The following EVI5L variants were observed in gnomAD, a reference collection of about 807,000 sequenced individuals.
EVI5L encodes ecotropic viral integration site 5 like.
EVI5L carries 30 observed loss-of-function variants against 106.1 expected under a neutral mutation model. The observed-to-expected ratio is 0.28, with a 90% confidence interval of 0.21 to 0.38. EVI5L has a LOEUF of 0.38. Ranked by LOEUF, EVI5L falls within the 10% of genes least tolerant of loss-of-function variation. EVI5L has a pLI of 1.00. For missense variants in EVI5L, 809 were observed against 1,098.0 expected, an observed-to-expected ratio of 0.74 and a Z score of 3.72; for synonymous variants, 489 against 483.3, an observed-to-expected ratio of 1.01 and a Z score of -0.15.
rs577303721 is a variant in EVI5L, at chr19:7,837,101, C to A, written c.-48+6720C>A. On this transcript the variant is annotated intron_variant, in intron 1 of 19. Transcript: ENST00000538904. ...ATCCCAGCACTTTGGGAGGCTGAGG[C>A]GGGCGGATCACCTGAGGTCAGGAGT... is the stretch of plus-strand genomic sequence containing the variant. Among the ~76,000 whole-genome samples the A allele has an allele frequency of 2.4e-3, 369 of 151,256 alleles. 3 individuals are homozygous for A. The highest frequency in any genetic ancestry group is 8.6e-3 in the African/African-American group (356 of 41,286).
In EVI5L at chr19:7,835,634, A is replaced by G. The variant is rs1165039915; in HGVS notation, c.-48+5253A>G. ...CAACCTACATTCCAAGGCCAGGGATATGGAAACTTCCAGAACCATGTGGAG... is the reference window on the plus strand; with the variant it reads ...CAACCTACATTCCAAGGCCAGGGATGTGGAAACTTCCAGAACCATGTGGAG... On this transcript the variant is annotated intron_variant, in intron 1 of 19. Coordinates refer to ENST00000538904, the MANE Select transcript of EVI5L (RefSeq NM_001159944.3). The surrounding 1 kb of genome is among the most constrained non-coding windows in gnomAD (Gnocchi z 4.1). Among the ~76,000 whole-genome samples, 1 of 152,204 alleles carries G rather than the reference A, an allele frequency of 6.6e-6. No individual in the cohort carries two copies. The highest frequency in any genetic ancestry group is 2.4e-5 in the African/African-American group (1 of 41,462).
In EVI5L at chr19:7,841,062, C is replaced by G. The variant is rs10420423; in HGVS notation, c.-47-5434C>G. ...TATTGTTTACTGCAAGCATTTATCT[C>G]AATCTGTGAAGGAGGGTCTGGGTGA... On this transcript the variant is annotated intron_variant, in intron 1 of 19. Transcript: ENST00000538904. Among the ~76,000 whole-genome samples, 675 of 152,260 alleles carry G rather than the reference C, an allele frequency of 4.4e-3. 6 individuals are homozygous for G. Among genetic ancestry groups the G allele is most frequent in the African/African-American group, 0.016 (644 of 41,548 alleles).
rs1599577162 is a variant in EVI5L at position 7,857,777 on chromosome 19, T to G, written c.1234-414T>G. 5.5e-6 allele frequency: 1 copy of G among 181,464 alleles called. No homozygotes were observed. Among genetic ancestry groups the G allele is most frequent in the Non-Finnish European group, 1.1e-5 (1 of 88,144 alleles). The allele number at this position is 181,464 out of a possible 1,614,324, so 11.2% of individuals were successfully genotyped here. A position where few individuals can be genotyped will look rare whatever the true frequency, so the allele number is the denominator to read the frequency against. On this transcript the variant is annotated intron_variant, in intron 12 of 19. Coordinates refer to ENST00000538904, the MANE Select transcript of EVI5L (RefSeq NM_001159944.3). The surrounding 1 kb of genome is among the most constrained non-coding windows in gnomAD (Gnocchi z 4.5). ...CTAGAGAAGATGCCGCTGGGAGAGG[T>G]GAATGCCCTGGGGAGCCCAGCCCTC...
chr19:7,860,447 G>A, intron 13 of EVI5L, 114 bp from the exon 14 acceptor site: 1 of 902,420 alleles, frequency 1.1e-6, no homozygotes, highest in East Asian at 2.8e-5. Context: ...CCCAAGCCTG[G>A]GCCCCTCTCC....
At chr19:7,854,893 C>G (rs190728311) in intron 10 of EVI5L, among the ~76,000 whole-genome samples, 109 of 152,304 alleles carry the variant, frequency 7.2e-4, no homozygotes, top group African/African-American at 2.6e-3. Context: ...TGGGAATGTT[C>G]TAGGTGTTTC....
chr19:7,855,808 C>G (rs796449282), intron 10 of EVI5L, among the ~76,000 whole-genome samples: 1 of 152,140 alleles, frequency 6.6e-6, no homozygotes, highest in Admixed American at 6.5e-5. Flanking sequence ...TGTTTTAAAA[C>G]TTTATTTTTT....
intron 1 of EVI5L, among the ~76,000 whole-genome samples, chr19:7,842,500 G>C (rs28971071): frequency 2.7e-5 from 2 of 75,142 alleles, no homozygotes; most frequent in Non-Finnish European, 6.2e-5. Flanking sequence ...ATGTGTGAAA[G>C]TGTGTGTATC....
At chr19:7,854,562 G>A (rs1172241549) in intron 10 of EVI5L, among the ~76,000 whole-genome samples, 2 of 152,172 alleles carry the variant, frequency 1.3e-5, no homozygotes, top group Admixed American at 6.5e-5. Flanking sequence ...TTGAGGCCAG[G>A]AGTTGGAGAC....
chr19:7,849,385 C>A, intron 5 of EVI5L, 55 bp downstream of exon 5: 1 of 1,589,286 alleles, frequency 6.3e-7, no homozygotes, highest in Admixed American at 1.7e-5. Context: ...ACCCTGGGCT[C>A]GGCCCCCAAG....
In EVI5L at chr19:7,851,666, T is replaced by C; in HGVS notation, c.898-15T>C. ...CCCTGCCCTCCACCTCCCACTGCCT[T>C]TGCCGCCTTTGCAGGGGCTGGAGAT... On this transcript the variant is annotated splice_polypyrimidine_tract_variant and intron_variant, in intron 7 of 19. Transcript: ENST00000538904. 1 of 1,585,068 alleles carries C rather than the reference T, an allele frequency of 6.3e-7. No homozygotes were observed. Among genetic ancestry groups the C allele is most frequent in the Non-Finnish European group, 8.6e-7 (1 of 1,168,098 alleles).
chr19:7,843,428 TC>T, intron 1 of EVI5L, among the ~76,000 whole-genome samples: 1 of 53,400 alleles, frequency 1.9e-5, no homozygotes, highest in East Asian at 4.3e-4. Flanking sequence ...CATGGGTGTG[TC>T]GAGAGTGTGT....
chr19:7,857,131 T>C lies in EVI5L; in HGVS notation c.1233+7T>C, dbSNP rs1367282994. ...GGCTGATAGGTTAATCCAGGTACTG[T>C]AGCTTTTTATCCCCTCTCCGGATTC... On this transcript the variant is annotated splice_region_variant and intron_variant, in intron 12 of 19. Transcript: ENST00000538904. The surrounding 1 kb of genome is among the most constrained non-coding windows in gnomAD (Gnocchi z 4.5). 1.1e-5 allele frequency: 17 copies of C among 1,551,576 alleles called. No homozygotes were observed. Among genetic ancestry groups the C allele is most frequent in the Non-Finnish European group, 6.1e-6 (7 of 1,146,984 alleles).
chr19:7,849,942 G>C, intron 5 of EVI5L, 55 bp from the exon 6 acceptor site: 4 of 1,474,914 alleles, frequency 2.7e-6, no homozygotes, highest in Non-Finnish European at 3.7e-6. Context: ...TGAGCAGCGA[G>C]ATGCCCCTCC....
chr19:7,851,641 C>T (rs1377494594), intron 7 of EVI5L, 40 bp from the exon 8 acceptor site: 1 of 1,591,988 alleles, frequency 6.3e-7, no homozygotes, highest in Non-Finnish European at 8.5e-7. Flanking sequence ...ACAGGAGCCT[C>T]CCTGCCCTCC....
intron 1 of EVI5L, among the ~76,000 whole-genome samples, chr19:7,842,417 G>A (rs961724822): frequency 3.5e-5 from 4 of 115,496 alleles, no homozygotes; most frequent in African/African-American, 1.2e-4. Context: ...TGTGTATCAA[G>A]TGTGTGCATG....
intron 1 of EVI5L, among the ~76,000 whole-genome samples, chr19:7,844,878 C>T (rs925996891): frequency 1.3e-5 from 2 of 152,140 alleles, no homozygotes; most frequent in East Asian, 1.9e-4. Flanking sequence ...AAAAGAATGG[C>T]GCACCTCCCC....
chr19:7,838,525 G>A (rs781131095), intron 1 of EVI5L, among the ~76,000 whole-genome samples: 2 of 152,216 alleles, frequency 1.3e-5, no homozygotes, highest in South Asian at 2.1e-4. Context: ...ACTTATCACT[G>A]TTGATGTTGA....
At chr19:7,842,975 ATG>A (rs1447462074) in intron 1 of EVI5L, among the ~76,000 whole-genome samples, 1 of 28,662 alleles carries the variant, frequency 3.5e-5, no homozygotes, top group Non-Finnish European at 6.9e-5. Context: ...ACGTGTGACT[ATG>A]GATGAGCACG....
intron 1 of EVI5L, among the ~76,000 whole-genome samples, chr19:7,832,028 G>A (rs780364425): frequency 1.3e-5 from 2 of 152,230 alleles, no homozygotes; most frequent in South Asian, 2.1e-4. Flanking sequence ...TGTCTGCTTC[G>A]TTTTATTCCC....
Sources: gnomAD v4.1 joint callset for allele counts (sites outside exome capture counted in the v4.1 genomes callset) on GRCh38, gnomAD v4.1.1 for gene constraint, Gnocchi (gnomAD v3.1) non-coding constraint, MANE v1.5 for transcripts, NCBI Gene and HGNC (gene_info 2026-07-23, HGNC 2026-07-21) for gene names.